IMPA2: variants seen among roughly 807,000 people sequenced by gnomAD.
IMPA2 encodes the protein IMP 2.
In IMPA2, 32 loss-of-function variants were observed where a neutral mutation model predicts 35.1. The ratio of observed to expected loss-of-function variants is 0.91; its 90% CI spans 0.69 to 1.23. The LOEUF is 1.23. IMPA2 is among the 50% of genes most tolerant of loss of function. The probability of loss-of-function intolerance (pLI) is 0.00; values close to 1 mark genes in which losing one functional copy is unlikely to be tolerated. For missense variants in IMPA2, 334 were observed against 387.6 expected (o/e 0.86, Z 1.16); for synonymous variants, 135 against 160.6 (o/e 0.84, Z 1.20).
Position 11,983,571 on chromosome 18 carries a change from A to G in IMPA2, c.96+1806A>G, listed in dbSNP as rs186164339. 1.7e-3 allele frequency among the ~76,000 whole-genome samples: 261 copies of G among 152,320 alleles called. 1 individual carries two copies. Among genetic ancestry groups the G allele is most frequent in the African/African-American group, 6.0e-3 (251 of 41,584 alleles). On this transcript the variant is annotated intron_variant, in intron 1 of 7. Transcript: ENST00000269159. ...GAGCAGGAACAGTTCTAAGGCTCCT[A>G]TGACTTTTAACTTAAGAGATATTTT...
In IMPA2 at chr18:12,010,118, T is replaced by A; in HGVS notation, c.335+131T>A. On this transcript the variant is annotated intron_variant, in intron 3 of 7. Transcript: ENST00000269159. This position sits in a 1 kb window ranked among gnomAD's most constrained non-coding sequence, Gnocchi z 4.8. ...AACCTATAGTACACTCATAGTCTCA[T>A]CAGAAAGATGATCAGATCTTGATAT... is the stretch of plus-strand genomic sequence containing the variant. 1.7e-6 allele frequency: 1 copy of A among 582,022 alleles called. No individual in the cohort carries two copies. Among genetic ancestry groups the A allele is most frequent in the Non-Finnish European group, 3.0e-6 (1 of 329,402 alleles). The allele number at this position is 582,022 out of a possible 1,614,324, so 36.1% of individuals were successfully genotyped here.
At chr18:11,986,278 T>C (rs28548932) in intron 1 of IMPA2, among the ~76,000 whole-genome samples, 16,083 of 152,058 alleles carry the variant, frequency 0.11, 1,029 homozygotes, top group East Asian at 0.28. Flanking sequence ...GCAAAACACA[T>C]GTTGTATTTT....
intron 5 of IMPA2, among the ~76,000 whole-genome samples, chr18:12,020,890 A>G (rs900829646): frequency 6.6e-6 from 1 of 151,808 alleles, no homozygotes; most frequent in African/African-American, 2.4e-5. Flanking sequence ...TTATTGGCAT[A>G]TACATGTTAC....
intron 5 of IMPA2, among the ~76,000 whole-genome samples, chr18:12,021,405 A>G (rs1035338915): frequency 6.6e-6 from 1 of 152,148 alleles, no homozygotes; most frequent in Non-Finnish European, 1.5e-5. Context: ...AACCTCCAAA[A>G]CAACACACTG....
chr18:12,007,650 TCTTTCTTTCTTTCTTTCTTTCTTTCTTTC>T (rs1453717542), intron 2 of IMPA2, among the ~76,000 whole-genome samples: 22 of 115,442 alleles, frequency 1.9e-4, no homozygotes, highest in African/African-American at 6.7e-4. Context: ...TTTCTTTCTT[TCTTTCTTTCTTTCTTTCTTTCTTTCTTTC>T]CTTTCTTTCC....
intron 5 of IMPA2, among the ~76,000 whole-genome samples, chr18:12,025,773 T>C (rs1907865877): frequency 6.6e-6 from 1 of 152,148 alleles, no homozygotes; most frequent in Non-Finnish European, 1.5e-5. Flanking sequence ...AGAGACGGGG[T>C]TTCACCATGT....
intron 2 of IMPA2, chr18:12,008,465 T>C (rs759030923): frequency 1.4e-5 from 7 of 485,912 alleles, no homozygotes; most frequent in African/African-American, 7.8e-5. Context: ...CTTAGTGAAC[T>C]TGGGACAGTC....
rs1395908121 is a variant in IMPA2, at chr18:12,030,483, C to T, written c.*25C>T. 1.9e-6 allele frequency: 3 copies of T among 1,593,308 alleles called. No homozygotes were observed. The East Asian group carries it at 6.7e-5, about 36-fold the overall frequency. On this transcript the variant is annotated 3_prime_UTR_variant, in exon 8 of 8. Coordinates refer to ENST00000269159, the MANE Select transcript of IMPA2 (RefSeq NM_014214.3). Reference sequence around the variant, plus strand: ...ACTGCGGCTGAGGCAAAGCTGCTCCCAAGGCCTCCCTGGGCTGCTGTGGGC... The same window carrying T: ...ACTGCGGCTGAGGCAAAGCTGCTCCTAAGGCCTCCCTGGGCTGCTGTGGGC...
At position 11,999,084 on chromosome 18, in the gene IMPA2, C is replaced by T. The variant is rs1283940239; in HGVS notation, c.127C>T (p.Arg43Cys). The part of the protein sequence containing the change: ...IIRKALTEEK[R>C]VSTKTSAADL... ...CAGAAAAGCCCTTACTGAGGAAAAA[C>T]GTGTCTCAACAAAAACATCAGCTGC... The change falls in exon 2 of 8, where the codon CGT becomes TGT. Residue 43 changes from arginine to cysteine, a missense_variant. By Grantham distance (180) the Arg-to-Cys change is radical (BLOSUM62 -3). Transcript: ENST00000269159. 4 of 1,613,512 alleles carry T rather than the reference C, an allele frequency of 2.5e-6. No homozygotes were observed. The highest frequency in any genetic ancestry group is 2.5e-6 in the Non-Finnish European group (3 of 1,179,670).
chr18:11,981,833 G>T, intron 1 of IMPA2, 68 bp downstream of exon 1: 1 of 1,052,840 alleles, frequency 9.5e-7, no homozygotes, highest in South Asian at 4.8e-5. Flanking sequence ...GAGCCGCCTG[G>T]AGTGGCGGGG....
chr18:11,995,703 T>C (rs1403471981), intron 1 of IMPA2, among the ~76,000 whole-genome samples: 1 of 152,022 alleles, frequency 6.6e-6, no homozygotes, highest in African/African-American at 2.4e-5. Flanking sequence ...CTGGTCTAGC[T>C]CCAGGAGGTG....
intron 2 of IMPA2, among the ~76,000 whole-genome samples, chr18:12,003,554 G>A (rs1331686959): frequency 6.6e-6 from 1 of 151,092 alleles, no homozygotes; most frequent in Non-Finnish European, 1.5e-5. Context: ...GGAAGGTTGA[G>A]ACAGGAGAAT....
Position 12,030,335 on chromosome 18 carries a change from G to A in IMPA2, c.752-8G>A, listed in dbSNP as rs750118380. 7 of 1,611,664 alleles carry A rather than the reference G, an allele frequency of 4.3e-6. No homozygotes were observed. Among genetic ancestry groups the A allele is most frequent in the Non-Finnish European group, 5.9e-6 (7 of 1,177,732 alleles). ...CCCGGATGCCTGGCTCTCTCTGTCT[G>A]TCCCCAGGTGGACCCCTCGACCTCA... On this transcript the variant is annotated splice_polypyrimidine_tract_variant and splice_region_variant and intron_variant, in intron 7 of 7. Coordinates refer to ENST00000269159, the MANE Select transcript of IMPA2 (RefSeq NM_014214.3).
chr18:12,009,090 C>T (rs572240630), intron 2 of IMPA2, among the ~76,000 whole-genome samples: 6 of 152,212 alleles, frequency 3.9e-5, no homozygotes, highest in South Asian at 2.1e-4. Flanking sequence ...TGTGACTGGC[C>T]AATGTAGCAA....
At chr18:12,025,289 G>A (rs1436483218) in intron 5 of IMPA2, among the ~76,000 whole-genome samples, 4 of 152,138 alleles carry the variant, frequency 2.6e-5, no homozygotes, top group African/African-American at 4.8e-5. Context: ...GGACATCTTG[G>A]TTGCTTCTAA....
At chr18:12,029,034 A>G in intron 7 of IMPA2, 41 bp downstream of exon 7, 2 of 1,581,414 alleles carry the variant, frequency 1.3e-6, no homozygotes, top group Non-Finnish European at 8.6e-7. Flanking sequence ...CAGAAACTAG[A>G]CTGAGAGACA....
intron 1 of IMPA2, among the ~76,000 whole-genome samples, chr18:11,997,767 C>T (rs1281178981): frequency 6.6e-6 from 1 of 152,174 alleles, no homozygotes; most frequent in African/African-American, 2.4e-5. Flanking sequence ...GAGAGAAATA[C>T]AGGATTCTGG....
intron 1 of IMPA2, among the ~76,000 whole-genome samples, chr18:11,993,822 T>C (rs1158469831): frequency 2.0e-5 from 3 of 152,082 alleles, no homozygotes; most frequent in Admixed American, 1.3e-4. Flanking sequence ...GGGAGGACAC[T>C]CGAGGGGGCT....
At chr18:12,022,093 CATTA>C (rs1332215268) in intron 5 of IMPA2, among the ~76,000 whole-genome samples, 31 of 152,202 alleles carry the variant, frequency 2.0e-4, no homozygotes, top group African/African-American at 7.2e-4. Context: ...CATTCAATGA[CATTA>C]ATTATAGTCA....
Sources: gnomAD v4.1 joint callset for allele counts (sites outside exome capture counted in the v4.1 genomes callset) on GRCh38, gnomAD v4.1.1 for gene constraint, Gnocchi (gnomAD v3.1) non-coding constraint, MANE v1.5 for transcripts, NCBI Gene and HGNC (gene_info 2026-07-23, HGNC 2026-07-21) for gene names.